ROBO2: variants seen among roughly 807,000 people sequenced by gnomAD.
ROBO2 encodes roundabout guidance receptor 2.
Under a neutral mutation model 160.8 loss-of-function variants are expected in ROBO2, and 53 were observed. The ratio of observed to expected loss-of-function variants is 0.33; its 90% CI spans 0.26 to 0.41. ROBO2 has a LOEUF of 0.41. Ranked by LOEUF, ROBO2 falls within the 10% of genes least tolerant of loss-of-function variation. The pLI, the probability that ROBO2 is intolerant of heterozygous loss-of-function variation, is 1.00. For missense variants in ROBO2, 1,577 were observed against 1,722.4 expected, an observed-to-expected ratio of 0.92 and a Z score of 1.49; for synonymous variants, 664 against 611.7, an observed-to-expected ratio of 1.09 and a Z score of -1.26.
Position 76,256,966 on chromosome 3 carries a change from A to G in ROBO2, c.109+319364A>G, listed in dbSNP as rs572782729. ...GGGACCACACACATAAAACAAGCAG[A>G]TATCTCAAGAACTCACTCACTACCG... On this transcript the variant is annotated intron_variant, in intron 2 of 26. Coordinates refer to the ROBO2 transcript ENST00000487694. 2.0e-5 allele frequency among the ~76,000 whole-genome samples: 3 copies of G among 152,022 alleles called. No homozygotes were observed. The South Asian group carries it at 6.2e-4, about 32-fold the overall frequency.
At chr3:76,281,130 G>A (rs1411928825) in intron 2 of ROBO2, among the ~76,000 whole-genome samples, 1 of 151,798 alleles carries the variant, frequency 6.6e-6, no homozygotes, top group Non-Finnish European at 1.5e-5. Context: ...CCAACTGCAT[G>A]CCCATCTGTA....
At chr3:76,448,249 ATATT>A (rs1365478457) in intron 2 of ROBO2, among the ~76,000 whole-genome samples, 1 of 152,116 alleles carries the variant, frequency 6.6e-6, no homozygotes, top group African/African-American at 2.4e-5. Flanking sequence ...ACTAATAAGA[ATATT>A]TAATATAAAC....
chr3:77,040,893 A>C, intron 1 of ROBO2, 47 bp downstream of exon 1: 1 of 1,508,874 alleles, frequency 6.6e-7, no homozygotes, highest in Non-Finnish European at 9.0e-7. Context: ...CCACCCCCCA[A>C]TCCCCCAAAA....
At chr3:76,163,024 G>C (rs1460782615) in intron 2 of ROBO2, among the ~76,000 whole-genome samples, 4 of 152,050 alleles carry the variant, frequency 2.6e-5, no homozygotes, top group African/African-American at 9.7e-5. Flanking sequence ...GAACATAAGA[G>C]AAAAAGAACC....
At chr3:76,984,515 T>C (rs1043180606) in intron 2 of ROBO2, among the ~76,000 whole-genome samples, 4 of 152,156 alleles carry the variant, frequency 2.6e-5, no homozygotes, top group African/African-American at 7.2e-5. Flanking sequence ...CTACCACACC[T>C]GTAAGTACGA....
intron 2 of ROBO2, among the ~76,000 whole-genome samples, chr3:77,413,666 A>T (rs1382337102): frequency 6.6e-6 from 1 of 152,156 alleles, no homozygotes; most frequent in African/African-American, 2.4e-5. Flanking sequence ...AAGTAATTAG[A>T]ATATGGTGTA....
chr3:76,203,663 G>A lies in ROBO2; in HGVS notation c.109+266061G>A, dbSNP rs563988370. On this transcript the variant is annotated intron_variant, in intron 2 of 26. Coordinates refer to the ROBO2 transcript ENST00000487694. ...ATTGCCTCAGGCTATCGGCTTCCCG[G>A]TCAACAGATCACAGGTCACGGTTCT... 2.1e-3 allele frequency among the ~76,000 whole-genome samples: 318 copies of A among 151,346 alleles called. 1 individual carries two copies. The highest frequency in any genetic ancestry group is 7.6e-3 in the African/African-American group (311 of 41,034).
intron 2 of ROBO2, among the ~76,000 whole-genome samples, chr3:76,641,775 A>G (rs759009550): frequency 3.3e-5 from 5 of 152,140 alleles, no homozygotes; most frequent in Non-Finnish European, 7.4e-5. Context: ...AGTCCTCTCT[A>G]TCACCTAGGC....
chr3:77,250,567 C>T (rs188226538), intron 2 of ROBO2, among the ~76,000 whole-genome samples: 5 of 152,224 alleles, frequency 3.3e-5, no homozygotes, highest in East Asian at 1.9e-4. Context: ...TTTTTTTCCC[C>T]GGAATCACAC....
chr3:77,051,540 C>G (rs761814589), intron 1 of ROBO2, among the ~76,000 whole-genome samples: 8 of 152,208 alleles, frequency 5.3e-5, no homozygotes, highest in Non-Finnish European at 1.0e-4. Flanking sequence ...TTTTGAGGCT[C>G]TCAGTAAATG....
At chr3:77,084,130 T>G (rs1343542146) in intron 1 of ROBO2, among the ~76,000 whole-genome samples, 1 of 152,124 alleles carries the variant, frequency 6.6e-6, no homozygotes, top group African/African-American at 2.4e-5. Context: ...AATATTTTTT[T>G]CTGTTATTTA....
At chr3:76,460,468 G>A (rs141282865) in intron 2 of ROBO2, among the ~76,000 whole-genome samples, 54 of 152,222 alleles carry the variant, frequency 3.5e-4, no homozygotes, top group African/African-American at 1.1e-3. Flanking sequence ...AGGGTAAGTC[G>A]TAAAATGAAT....
At chr3:76,186,502 C>T (rs1426410646) in intron 2 of ROBO2, among the ~76,000 whole-genome samples, 2 of 99,902 alleles carry the variant, frequency 2.0e-5, no homozygotes, top group African/African-American at 7.4e-5. Context: ...TCATCTTCCA[C>T]AATGAAAGGA....
intron 2 of ROBO2, among the ~76,000 whole-genome samples, chr3:76,034,379 C>G (rs969066907): frequency 3.3e-5 from 5 of 152,192 alleles, no homozygotes; most frequent in African/African-American, 1.2e-4. Flanking sequence ...CTAAATGCAT[C>G]TATTTCTATT....
chr3:76,031,040 C>T (rs1024075183), intron 2 of ROBO2, among the ~76,000 whole-genome samples: 23 of 152,178 alleles, frequency 1.5e-4, no homozygotes, highest in Non-Finnish European at 3.1e-4. Flanking sequence ...TCTTTTATTT[C>T]GTTGAGCAGT....
At chr3:76,934,446 AG>A (rs200989780) in intron 2 of ROBO2, among the ~76,000 whole-genome samples, 195 of 151,744 alleles carry the variant, frequency 1.3e-3, no homozygotes, top group Non-Finnish European at 2.0e-3. Context: ...GTTCAATTAA[AG>A]AAAAAAAAAC....
chr3:77,546,493 A>G, intron 7 of ROBO2, 31 bp downstream of exon 8: 1 of 1,612,180 alleles, frequency 6.2e-7, no homozygotes, highest in Admixed American at 1.7e-5. Context: ...CTTTTCTGAA[A>G]TCTCTGAACT....
At chr3:76,578,154 A>G (rs2085428283) in intron 2 of ROBO2, among the ~76,000 whole-genome samples, 1 of 152,320 alleles carries the variant, frequency 6.6e-6, no homozygotes, top group Admixed American at 6.5e-5. Context: ...AAAATAAACC[A>G]GTAATAACAA....
At chr3:75,989,305 A>G (rs2065500101) in intron 2 of ROBO2, among the ~76,000 whole-genome samples, 1 of 152,074 alleles carries the variant, frequency 6.6e-6, no homozygotes, top group South Asian at 2.1e-4. Context: ...TTTACTAGAG[A>G]CGAAGTTTCA....
Sources: gnomAD v4.1 joint callset for allele counts (sites outside exome capture counted in the v4.1 genomes callset) on GRCh38, gnomAD v4.1.1 for gene constraint, MANE v1.5 for transcripts, NCBI Gene and HGNC (gene_info 2026-07-23, HGNC 2026-07-21) for gene names.